The following BRWD1 variants were observed in gnomAD, a reference collection of about 807,000 sequenced individuals.
BRWD1 encodes bromodomain and WD repeat domain containing 1.
A neutral mutation model predicts 251.2 loss-of-function variants in BRWD1; 82 were observed. That is an observed-to-expected ratio of 0.33 (90% CI 0.27 to 0.39). BRWD1 has a LOEUF of 0.39. Among genes scored for constraint, BRWD1 ranks in the 10% least tolerant of loss-of-function variants. BRWD1 has a pLI of 1.00. For synonymous variants in BRWD1, 918 were observed against 902.8 expected, an observed-to-expected ratio of 1.02 and a Z score of -0.30; for missense variants, 2,233 against 2,711.6, an observed-to-expected ratio of 0.82 and a Z score of 3.92.
rs2031407219 is a variant in BRWD1, at chr21:39,189,085, T to C, written c.*7174A>G. The C allele has an allele frequency of 1.0e-6, 1 of 984,228 alleles. No individual in the cohort carries two copies. Among genetic ancestry groups the C allele is most frequent in the Admixed American group, 6.1e-5 (1 of 16,272 alleles). 61.0% of individuals were successfully genotyped at this position (984,228 alleles called of 1,614,324 possible). ...CAACAAGTCAACCCTATATCCAAAA[T>C]GAATCTTTAACACATTAAATCAATG... On this transcript the variant is annotated 3_prime_UTR_variant, in exon 41 of 41. Transcript: ENST00000342449.
intron 9 of BRWD1, among the ~76,000 whole-genome samples, chr21:39,279,536 G>A (rs543203705): frequency 2.6e-5 from 4 of 151,132 alleles, no homozygotes; most frequent in Admixed American, 6.6e-5. Flanking sequence ...CTACTCAGGA[G>A]GCTGAGGCAG....
chr21:39,277,019 T>C (rs945316194), intron 11 of BRWD1, among the ~76,000 whole-genome samples: 7 of 152,174 alleles, frequency 4.6e-5, no homozygotes, highest in African/African-American at 1.2e-4. Flanking sequence ...AACTGTCAAA[T>C]AGAATTCAGC....
chr21:39,270,796 A>C (rs988861561), intron 13 of BRWD1, among the ~76,000 whole-genome samples: 7 of 152,248 alleles, frequency 4.6e-5, no homozygotes, highest in Admixed American at 3.9e-4. Context: ...GAAGACAAAA[A>C]AATTTTAGGA....
At chr21:39,238,795 C>T (rs2033896486) in intron 21 of BRWD1, among the ~76,000 whole-genome samples, 1 of 152,172 alleles carries the variant, frequency 6.6e-6, no homozygotes, top group Non-Finnish European at 1.5e-5. Context: ...TAAGATTTAA[C>T]ACTACCACCA....
At chr21:39,261,990 A>G (rs1456501297) in intron 17 of BRWD1, among the ~76,000 whole-genome samples, 1 of 152,216 alleles carries the variant, frequency 6.6e-6, no homozygotes, top group Non-Finnish European at 1.5e-5. Flanking sequence ...ATATACCATG[A>G]CAATCCTAAT....
chr21:39,227,965 G>C (rs1385726916), intron 27 of BRWD1, among the ~76,000 whole-genome samples: 1 of 152,080 alleles, frequency 6.6e-6, no homozygotes, highest in Admixed American at 6.6e-5. Context: ...TGAACCAAAA[G>C]AACAGAAGAA....
intron 27 of BRWD1, among the ~76,000 whole-genome samples, chr21:39,226,583 T>G (rs1050085194): frequency 2.6e-5 from 4 of 152,216 alleles, no homozygotes; most frequent in African/African-American, 9.6e-5. Flanking sequence ...GCTGGGAAGC[T>G]TTAAAGTTAT....
intron 18 of BRWD1, among the ~76,000 whole-genome samples, chr21:39,257,941 G>C (rs1029505502): frequency 6.6e-6 from 1 of 152,072 alleles, no homozygotes; most frequent in Non-Finnish European, 1.5e-5. Flanking sequence ...TATGCTGTAA[G>C]TTTAAGAGAA....
chr21:39,197,220 A>C lies in BRWD1; in HGVS notation c.5849T>G (p.Leu1950Ter). The C allele has an allele frequency of 6.2e-7, 1 of 1,613,998 alleles. No individual in the cohort carries two copies. The highest frequency in any genetic ancestry group is 1.3e-5 in the African/African-American group (1 of 75,048). The change falls in exon 41 of 41, where the codon TTA becomes TGA. Residue 1950 changes from leucine (L) to a stop codon, truncating the protein, a stop_gained. Transcript: ENST00000342449. LOFTEE classifies it low-confidence loss of function (END_TRUNC). ...TTTGCTTCTAGTGTGCACATTTTCT[A>C]AACTGACATCTTCTACATCACTCAT... ...KLMSDVEDVS[L>*]ENVHTRSKNG... is the part of the protein sequence containing the mutation.
In BRWD1 at chr21:39,199,462, A is replaced by G; in HGVS notation, c.4954T>C (p.Ser1652Pro). ...TTCCGACCAGAACAGACACTTTCAG[A>G]GCTAGAATTCTCTTCTACATCACTC... ...LMSDVEENSS[S>P]ESVCSGRKLP... The change falls in exon 40 of 41, where the codon TCT (serine) becomes CCT (proline). Residue 1652 changes from serine to proline, a missense_variant. Around this residue, in one of 12 missense-constraint regions of BRWD1, gnomAD observed 928 missense variants for 970.0 expected, o/e 0.96. Coordinates refer to ENST00000342449, the MANE Select transcript of BRWD1 (RefSeq NM_033656.4). 1 of 1,614,208 alleles carries G rather than the reference A, an allele frequency of 6.2e-7. No individual in the cohort carries two copies. Among genetic ancestry groups the G allele is most frequent in the Non-Finnish European group, 8.5e-7 (1 of 1,180,030 alleles).
intron 27 of BRWD1, 107 bp downstream of exon 27, chr21:39,228,393 T>A: frequency 1.4e-6 from 1 of 707,350 alleles, no homozygotes; most frequent in Non-Finnish European, 2.4e-6. Flanking sequence ...CTTCTGGAAT[T>A]TACATGTTTG....
At chr21:39,253,323 C>G (rs1040051609) in intron 19 of BRWD1, among the ~76,000 whole-genome samples, 4 of 148,554 alleles carry the variant, frequency 2.7e-5, no homozygotes, top group African/African-American at 7.5e-5. Context: ...GACTAGAAGC[C>G]AAGCTCCACG....
At chr21:39,290,490 CAA>C (rs1002425792) in intron 8 of BRWD1, among the ~76,000 whole-genome samples, 67 of 92,326 alleles carry the variant, frequency 7.3e-4, no homozygotes, top group African/African-American at 1.2e-3. Context: ...GACTCCGTCT[CAA>C]AAAAAAAAAA....
intron 23 of BRWD1, among the ~76,000 whole-genome samples, chr21:39,234,123 C>T (rs1055763232): frequency 6.6e-6 from 1 of 152,160 alleles, no homozygotes; most frequent in Non-Finnish European, 1.5e-5. Flanking sequence ...TTTAAACCAA[C>T]AATCAAAAGC....
In BRWD1 at chr21:39,192,643, T is replaced by G; in HGVS notation, c.*3616A>C. 1.0e-6 allele frequency: 1 copy of G among 984,804 alleles called. No individual in the cohort carries two copies. The highest frequency in any genetic ancestry group is 1.7e-5 in the African/African-American group (1 of 57,298). 61.0% of individuals were successfully genotyped at this position (984,804 alleles called of 1,614,324 possible). ...GATAAATAAATATATCAACTTACTA[T>G]TCATGAAAAGAATGGAGCTGGTTAT... On this transcript the variant is annotated 3_prime_UTR_variant, in exon 41 of 41. Transcript: ENST00000342449.
In BRWD1 at chr21:39,196,662, T is replaced by C. The variant is rs1160278253; in HGVS notation, c.6407A>G (p.Glu2136Gly). 6.2e-7 allele frequency: 1 copy of C among 1,613,816 alleles called. No individual in the cohort carries two copies. The highest frequency in any genetic ancestry group is 8.5e-7 in the Non-Finnish European group (1 of 1,179,886). Residue 2136 changes from glutamate to glycine, a missense_variant, in exon 41 of 41, where the codon GAA becomes GGA. By Grantham distance (98) the Glu-to-Gly change is moderately conservative. This residue lies in a region of BRWD1 where 928 missense variants were observed against 970.0 expected (regional missense o/e 0.96). Coordinates refer to ENST00000342449, the MANE Select transcript of BRWD1 (RefSeq NM_033656.4). ...AGTTGTTTCAGAGATTTTCACATTT[T>C]CCAATTCAGGATGCGATCTCTTCCT... ...VKRKRSHPEL[E>G]NVKISETTGN...
chr21:39,317,701 T>C (rs191404791), upstream of BRWD1, among the ~76,000 whole-genome samples: 3 of 152,332 alleles, frequency 2.0e-5, no homozygotes, highest in East Asian at 5.8e-4. Flanking sequence ...GATAAGTACG[T>C]GTGTAATCTC....
rs1259756181 is a variant in BRWD1 at position 39,238,560 on chromosome 21, T to C, written c.2495A>G (p.Asp832Gly). ...SSSVRHETSC[D>G]QSEGSGSSEE... Reference sequence around the variant, plus strand: ...TGAAGAACCAGAACCTTCACTCTGATCACAGGAAGTCTCCTAATTTGTGAA... The same window carrying C: ...TGAAGAACCAGAACCTTCACTCTGACCACAGGAAGTCTCCTAATTTGTGAA... The change falls in exon 22 of 41, where the codon GAT (aspartate) becomes GGT (glycine). Residue 832 changes from aspartate to glycine, a missense_variant. By Grantham distance (94) the Asp-to-Gly change is moderately conservative (BLOSUM62 -1). Transcript: ENST00000342449. The C allele has an allele frequency of 6.2e-7, 1 of 1,613,034 alleles. No homozygotes were observed. The highest frequency in any genetic ancestry group is 2.2e-5 in the East Asian group (1 of 44,802).
intron 15 of BRWD1, among the ~76,000 whole-genome samples, chr21:39,267,842 T>C (rs1278785642): frequency 6.6e-6 from 1 of 152,188 alleles, no homozygotes; most frequent in Non-Finnish European, 1.5e-5. Flanking sequence ...GTTAACTTTC[T>C]TCTCAGACAG....
Sources: allele counts gnomAD v4.1 joint callset (sites outside exome capture counted in the v4.1 genomes callset), GRCh38; gene constraint gnomAD v4.1.1; regional missense constraint gnomAD v4.1.1; transcripts MANE v1.5; gene names NCBI Gene and HGNC (gene_info 2026-07-23, HGNC 2026-07-21).